Variants in GPC5 observed in about 807,000 individuals in gnomAD.
GPC5 encodes glypican-5.
GPC5 carries 47 observed loss-of-function variants against 53.9 expected under a neutral mutation model. The observed-to-expected ratio is 0.87, with a 90% CI of 0.69 to 1.11. GPC5 has a LOEUF of 1.11. Ranked by LOEUF, GPC5 falls within the 50% of genes most tolerant of loss-of-function variation. The pLI is 0.00. For missense variants in GPC5, 748 were observed against 713.1 expected (o/e 1.05, Z -0.56); for synonymous variants, 286 against 263.3 (o/e 1.09, Z -0.84).
chr13:92,742,420 T>A (rs1889127662), intron 7 of GPC5, among the ~76,000 whole-genome samples: 1 of 152,186 alleles, frequency 6.6e-6, no homozygotes, highest in South Asian at 2.1e-4. Flanking sequence ...TTGCCCACTT[T>A]TTCATGGGGT....
intron 7 of GPC5, among the ~76,000 whole-genome samples, chr13:92,606,583 A>C (rs983512920): frequency 1.3e-5 from 2 of 152,210 alleles, no homozygotes; most frequent in Non-Finnish European, 2.9e-5. Flanking sequence ...TTGTAGAATG[A>C]GGATGAGGTT....
At chr13:91,780,964 G>T (rs1194162084) in intron 5 of GPC5, among the ~76,000 whole-genome samples, 1 of 152,162 alleles carries the variant, frequency 6.6e-6, no homozygotes, top group Non-Finnish European at 1.5e-5. Context: ...TCACATTTTT[G>T]AAGTTGCAAG....
At chr13:92,253,650 G>A (rs1310996688) in intron 7 of GPC5, among the ~76,000 whole-genome samples, 1 of 152,006 alleles carries the variant, frequency 6.6e-6, no homozygotes, top group Non-Finnish European at 1.5e-5. Flanking sequence ...GAGATTAAAT[G>A]AAAGTATGTA....
At chr13:92,075,590 A>G (rs1184152464) in intron 6 of GPC5, among the ~76,000 whole-genome samples, 4 of 152,172 alleles carry the variant, frequency 2.6e-5, no homozygotes, top group Non-Finnish European at 2.9e-5. Context: ...AGTATTGCAA[A>G]TATTTTTATC....
chr13:91,476,236 A>G (rs955272170), intron 2 of GPC5, among the ~76,000 whole-genome samples: 4 of 152,178 alleles, frequency 2.6e-5, no homozygotes, highest in African/African-American at 9.7e-5. Context: ...GTCTCCAGAC[A>G]CTGCTAAATG....
intron 7 of GPC5, among the ~76,000 whole-genome samples, chr13:92,337,082 A>C (rs1594109839): frequency 6.6e-6 from 1 of 152,122 alleles, no homozygotes; most frequent in East Asian, 1.9e-4. Context: ...GCTCCAATTC[A>C]AGATGAGATT....
At chr13:91,488,354 G>A (rs1321733826) in intron 2 of GPC5, among the ~76,000 whole-genome samples, 2 of 152,178 alleles carry the variant, frequency 1.3e-5, no homozygotes, top group Admixed American at 1.3e-4. Context: ...TGCTAGGGGA[G>A]ATTAGAAGAG....
At chr13:92,517,286 T>C (rs901356833) in intron 7 of GPC5, among the ~76,000 whole-genome samples, 7 of 152,114 alleles carry the variant, frequency 4.6e-5, no homozygotes, top group African/African-American at 1.4e-4. Flanking sequence ...AGCAGAAATC[T>C]CTGAATCTCT....
At chr13:92,648,615 A>G (rs1206976992) in intron 7 of GPC5, among the ~76,000 whole-genome samples, 1 of 152,170 alleles carries the variant, frequency 6.6e-6, no homozygotes, top group Non-Finnish European at 1.5e-5. Context: ...TACTTAAGTT[A>G]CAAACTAAGC....
At chr13:92,219,729 A>G (rs1241118677) in intron 7 of GPC5, among the ~76,000 whole-genome samples, 1 of 152,144 alleles carries the variant, frequency 6.6e-6, no homozygotes, top group African/African-American at 2.4e-5. Flanking sequence ...ATGTTTGCAT[A>G]GGGTATAACT....
chr13:91,647,677 T>C (rs776935358), intron 2 of GPC5, among the ~76,000 whole-genome samples: 1 of 152,220 alleles, frequency 6.6e-6, no homozygotes, highest in Non-Finnish European at 1.5e-5. Flanking sequence ...TTCTTTAGAC[T>C]ACACAGCAGA....
chr13:91,570,395 G>A (rs754827371), intron 2 of GPC5, among the ~76,000 whole-genome samples: 5 of 152,086 alleles, frequency 3.3e-5, no homozygotes, highest in Admixed American at 6.6e-5. Context: ...TGAAGTTTTG[G>A]ATTTGAGATG....
chr13:92,663,897 TATATATAC>T (rs1466302040), intron 7 of GPC5, among the ~76,000 whole-genome samples: 520 of 23,710 alleles, frequency 0.022, 14 homozygotes, highest in African/African-American at 0.044. Flanking sequence ...TATATATATA[TATATATAC>T]ACACACACAC....
intron 7 of GPC5, among the ~76,000 whole-genome samples, chr13:92,245,077 A>G (rs2042640722): frequency 6.6e-6 from 1 of 150,902 alleles, no homozygotes; most frequent in African/African-American, 2.4e-5. Flanking sequence ...CCTTCTGGTT[A>G]AATGTTCTCA....
intron 7 of GPC5, among the ~76,000 whole-genome samples, chr13:92,470,830 C>A (rs1037319582): frequency 1.3e-5 from 2 of 152,142 alleles, no homozygotes; most frequent in Non-Finnish European, 1.5e-5. Context: ...CTTTAGGGGA[C>A]TTTGCTTGCC....
At chr13:91,584,481 G>A (rs1594291075) in intron 2 of GPC5, among the ~76,000 whole-genome samples, 2 of 152,150 alleles carry the variant, frequency 1.3e-5, no homozygotes, top group Non-Finnish European at 1.5e-5. Context: ...TAAACTATCA[G>A]TAAATATCTT....
intron 5 of GPC5, among the ~76,000 whole-genome samples, chr13:91,844,101 G>A (rs943546338): frequency 6.6e-6 from 1 of 152,156 alleles, no homozygotes; most frequent in African/African-American, 2.4e-5. Context: ...AAGGATAAGA[G>A]AATGGAACAG....
chr13:91,668,705 C>A (rs1434725722), intron 2 of GPC5, among the ~76,000 whole-genome samples: 2 of 152,096 alleles, frequency 1.3e-5, no homozygotes, highest in African/African-American at 4.8e-5. Context: ...TAATTCCAGA[C>A]TATCATAACA....
chr13:92,290,166 T>C (rs2042983582), intron 7 of GPC5, among the ~76,000 whole-genome samples: 1 of 152,200 alleles, frequency 6.6e-6, no homozygotes, highest in East Asian at 1.9e-4. Context: ...TTGCTTTATA[T>C]ATGTGGGACT....
Sources: gnomAD v4.1 joint callset for allele counts (sites outside exome capture counted in the v4.1 genomes callset) on GRCh38, gnomAD v4.1.1 for gene constraint, MANE v1.5 for transcripts, NCBI Gene and HGNC (gene_info 2026-07-23, HGNC 2026-07-21) for gene names.